CERS6: variants seen among roughly 807,000 people sequenced by gnomAD.
CERS6 encodes LAG1 homolog, ceramide synthase 6.
CERS6 carries 26 observed loss-of-function variants against 56.8 expected under a neutral mutation model. The observed-to-expected ratio is 0.46, with a 90% CI of 0.34 to 0.63. The LOEUF is 0.63. CERS6 is among the 30% of genes least tolerant of loss of function. CERS6 has a pLI of 0.01. For synonymous variants in CERS6, 164 were observed against 173.3 expected (o/e 0.95, Z 0.42); for missense variants, 415 against 467.5 (o/e 0.89, Z 1.04).
chr2:168,492,337 T>C (rs1347291206), intron 1 of CERS6, among the ~76,000 whole-genome samples: 6 of 152,224 alleles, frequency 3.9e-5, no homozygotes, highest in Admixed American at 3.3e-4. Context: ...TGGTATCTCA[T>C]TGTGGTTTTG....
At chr2:168,634,725 T>G (rs2105300363) in intron 4 of CERS6, among the ~76,000 whole-genome samples, 1 of 152,298 alleles carries the variant, frequency 6.6e-6, no homozygotes, top group East Asian at 1.9e-4. Context: ...TGTGGTACAT[T>G]TTGTATCACA....
intron 3 of CERS6, among the ~76,000 whole-genome samples, chr2:168,626,593 T>C (rs1419587191): frequency 6.6e-6 from 1 of 152,184 alleles, no homozygotes; most frequent in Admixed American, 6.5e-5. Context: ...TATAAAAGCC[T>C]TCCATATCCA....
At chr2:168,740,826 G>T (rs1308082011) in intron 8 of CERS6, among the ~76,000 whole-genome samples, 1 of 152,212 alleles carries the variant, frequency 6.6e-6, no homozygotes, top group Non-Finnish European at 1.5e-5. Context: ...TTAAAACAAG[G>T]TCTAAATGGG....
At chr2:168,596,579 A>C (rs1389112899) in intron 3 of CERS6, among the ~76,000 whole-genome samples, 1 of 101,142 alleles carries the variant, frequency 9.9e-6, no homozygotes, top group Admixed American at 1.4e-4. Context: ...TTTGAGACTG[A>C]GTCTCACTCT....
intron 4 of CERS6, among the ~76,000 whole-genome samples, chr2:168,668,090 T>C (rs925254262): frequency 2.0e-5 from 3 of 152,170 alleles, no homozygotes; most frequent in Non-Finnish European, 4.4e-5. Context: ...TATTGAGTAA[T>C]TGGTGTGGAA....
intron 3 of CERS6, among the ~76,000 whole-genome samples, chr2:168,581,274 C>T (rs1381513246): frequency 2.6e-5 from 4 of 152,176 alleles, no homozygotes; most frequent in Non-Finnish European, 5.9e-5. Flanking sequence ...CTGCTTTGGC[C>T]TCCCAAAGTG....
At chr2:168,558,944 A>G (rs13386456) in intron 2 of CERS6, among the ~76,000 whole-genome samples, 2,245 of 152,336 alleles carry the variant, frequency 0.015, 35 homozygotes, top group African/African-American at 0.038. Context: ...AACTGTGGTT[A>G]TCTGACAAGA....
intron 4 of CERS6, among the ~76,000 whole-genome samples, chr2:168,662,899 T>G (rs1238619965): frequency 6.6e-6 from 1 of 152,206 alleles, no homozygotes; most frequent in East Asian, 1.9e-4. Context: ...AAATGATTCA[T>G]CTTTGCCATG....
chr2:168,472,362 C>T (rs1418787555), intron 1 of CERS6, among the ~76,000 whole-genome samples: 2 of 152,110 alleles, frequency 1.3e-5, no homozygotes, highest in East Asian at 1.9e-4. Flanking sequence ...CTTTAAAAAC[C>T]GTTTGCAGTA....
chr2:168,473,749 C>A (rs1035939388), intron 1 of CERS6, among the ~76,000 whole-genome samples: 2 of 152,122 alleles, frequency 1.3e-5, no homozygotes, highest in Non-Finnish European at 2.9e-5. Context: ...AATAAAAAAA[C>A]ACACAGCCAG....
intron 1 of CERS6, among the ~76,000 whole-genome samples, chr2:168,462,115 A>G (rs1413449065): frequency 2.0e-5 from 3 of 152,184 alleles, no homozygotes; most frequent in Admixed American, 6.5e-5. Flanking sequence ...ATACACTTAC[A>G]TTTCTTCCTC....
intron 6 of CERS6, among the ~76,000 whole-genome samples, chr2:168,708,451 A>G (rs1001739283): frequency 3.9e-5 from 6 of 152,090 alleles, no homozygotes; most frequent in African/African-American, 1.4e-4. Flanking sequence ...AAATAAGAGT[A>G]CTGTTTTTTG....
intron 6 of CERS6, among the ~76,000 whole-genome samples, chr2:168,700,453 A>G (rs1686777681): frequency 6.6e-6 from 1 of 152,234 alleles, no homozygotes; most frequent in Non-Finnish European, 1.5e-5. Flanking sequence ...AGGAAAGTCA[A>G]AAAGCACCTA....
intron 6 of CERS6, among the ~76,000 whole-genome samples, chr2:168,709,218 AC>A (rs1278339364): frequency 6.6e-6 from 1 of 152,172 alleles, no homozygotes; most frequent in Non-Finnish European, 1.5e-5. Context: ...TTTTACCTGT[AC>A]CCAGGAATTT....
At chr2:168,595,488 A>G (rs1683776712) in intron 3 of CERS6, among the ~76,000 whole-genome samples, 1 of 152,186 alleles carries the variant, frequency 6.6e-6, no homozygotes, top group Non-Finnish European at 1.5e-5. Flanking sequence ...CCACAATTGC[A>G]TTCATTCCTT....
chr2:168,706,400 A>G (rs1686942664), intron 6 of CERS6, among the ~76,000 whole-genome samples: 2 of 152,380 alleles, frequency 1.3e-5, no homozygotes, highest in Middle Eastern at 3.4e-3. Context: ...AAATGGGGCC[A>G]TAAATGTTGC....
intron 1 of CERS6, among the ~76,000 whole-genome samples, chr2:168,530,620 C>A (rs921854169): frequency 2.6e-5 from 4 of 152,136 alleles, no homozygotes; most frequent in African/African-American, 9.7e-5. Context: ...CCTTTAACAG[C>A]TAGATTCTGT....
intron 8 of CERS6, among the ~76,000 whole-genome samples, chr2:168,748,382 A>G (rs939063496): frequency 1.3e-5 from 2 of 152,188 alleles, no homozygotes; most frequent in African/African-American, 4.8e-5. Context: ...TTAGTTAAAT[A>G]ATTTTTTAAA....
intron 3 of CERS6, among the ~76,000 whole-genome samples, chr2:168,601,412 G>A (rs1021905155): frequency 2.0e-5 from 3 of 152,048 alleles, no homozygotes; most frequent in African/African-American, 7.2e-5. Flanking sequence ...GGTTGTTTGT[G>A]GACCTCTGCT....
Sources: allele counts gnomAD v4.1 joint callset (sites outside exome capture counted in the v4.1 genomes callset), GRCh38; gene constraint gnomAD v4.1.1; transcripts MANE v1.5; gene names NCBI Gene and HGNC (gene_info 2026-07-23, HGNC 2026-07-21).